GRM8: variants seen among roughly 807,000 people sequenced by gnomAD.
GRM8 encodes glutamate metabotropic receptor 8.
GRM8 carries 47 observed loss-of-function variants against 87.2 expected under a neutral mutation model. The observed-to-expected ratio is 0.54, with a 90% CI of 0.43 to 0.69. The LOEUF (loss-of-function observed/expected upper bound fraction) is 0.69. Among genes scored for constraint, GRM8 ranks in the 30% least tolerant of loss-of-function variants. The pLI, the probability that GRM8 is intolerant of heterozygous loss-of-function variation, is 0.00. For synonymous variants in GRM8, 396 were observed against 404.5 expected (o/e 0.98, Z 0.25); for missense variants, 1,019 against 1,139.2 (o/e 0.89, Z 1.52).
At chr7:126,624,358 G>A (rs1215137392) in intron 7 of GRM8, among the ~76,000 whole-genome samples, 1 of 152,078 alleles carries the variant, frequency 6.6e-6, no homozygotes, top group Non-Finnish European at 1.5e-5. Flanking sequence ...TCTCTTCCCA[G>A]TGTTCTTCCC....
intron 3 of GRM8, among the ~76,000 whole-genome samples, chr7:126,946,460 G>A (rs139665020): frequency 1.3e-5 from 2 of 152,324 alleles, no homozygotes; most frequent in Admixed American, 6.5e-5. Context: ...TGAGCTGTGT[G>A]CCACTGTACT....
At chr7:127,212,741 G>C (rs1796300333) in intron 2 of GRM8, among the ~76,000 whole-genome samples, 1 of 152,122 alleles carries the variant, frequency 6.6e-6, no homozygotes, top group Non-Finnish European at 1.5e-5. Flanking sequence ...TTTTAACTGA[G>C]ACATAAAAAC....
At chr7:126,808,456 C>T (rs968061053) in intron 6 of GRM8, among the ~76,000 whole-genome samples, 2 of 152,192 alleles carry the variant, frequency 1.3e-5, no homozygotes, top group Non-Finnish European at 2.9e-5. Flanking sequence ...ACCCAATATC[C>T]TACCTTACTG....
intron 2 of GRM8, among the ~76,000 whole-genome samples, chr7:127,234,005 T>C (rs536699284): frequency 2.0e-5 from 3 of 152,296 alleles, no homozygotes; most frequent in South Asian, 4.1e-4. Flanking sequence ...AGATGTCTCT[T>C]TTGCCAGAAA....
chr7:126,922,260 C>T (rs1210765340), intron 3 of GRM8, among the ~76,000 whole-genome samples: 1 of 151,988 alleles, frequency 6.6e-6, no homozygotes, highest in Non-Finnish European at 1.5e-5. Flanking sequence ...CATGATAATA[C>T]AAGCACTGAA....
chr7:126,806,263 C>T (rs539936202), intron 6 of GRM8, among the ~76,000 whole-genome samples: 62 of 152,224 alleles, frequency 4.1e-4, no homozygotes, highest in African/African-American at 1.4e-3. Context: ...TTAAAGGCGG[C>T]GCATCTGGAG....
chr7:126,952,714 G>A (rs1808293494), intron 3 of GRM8, among the ~76,000 whole-genome samples: 1 of 151,928 alleles, frequency 6.6e-6, no homozygotes, highest in Non-Finnish European at 1.5e-5. Flanking sequence ...CTCAAACCAA[G>A]CATGAGAAAA....
intron 9 of GRM8, among the ~76,000 whole-genome samples, chr7:126,487,773 C>T (rs868591714): frequency 1.9e-4 from 29 of 151,920 alleles, no homozygotes; most frequent in African/African-American, 5.1e-4. Context: ...TATTTAAGAA[C>T]GGAAATGCTA....
chr7:126,827,547 T>A (rs1794940737), intron 6 of GRM8, among the ~76,000 whole-genome samples: 1 of 152,190 alleles, frequency 6.6e-6, no homozygotes, highest in African/African-American at 2.4e-5. Context: ...ATGCTTGTGA[T>A]TTTTGTACTT....
chr7:126,482,613 C>A (rs1369628607), intron 9 of GRM8, among the ~76,000 whole-genome samples: 1 of 151,856 alleles, frequency 6.6e-6, no homozygotes, highest in Admixed American at 6.6e-5. Flanking sequence ...AGACACAAAG[C>A]AGAATGGTAG....
chr7:126,451,186 G>A (rs1279044182), intron 9 of GRM8, among the ~76,000 whole-genome samples: 2 of 151,708 alleles, frequency 1.3e-5, no homozygotes, highest in African/African-American at 2.4e-5. Flanking sequence ...TCCCTTCGGT[G>A]CCTGACAGCA....
chr7:126,933,615 T>C (rs562416851), intron 3 of GRM8, among the ~76,000 whole-genome samples: 69 of 152,316 alleles, frequency 4.5e-4, no homozygotes, highest in African/African-American at 1.6e-3. Flanking sequence ...AGTGGGGAAG[T>C]CAAGGGCTCT....
At chr7:126,455,238 T>G (rs1235155438) in intron 9 of GRM8, among the ~76,000 whole-genome samples, 1 of 151,698 alleles carries the variant, frequency 6.6e-6, no homozygotes, top group Admixed American at 6.6e-5. Context: ...TGAGACACAG[T>G]CACTTTTGAA....
intron 2 of GRM8, among the ~76,000 whole-genome samples, chr7:127,231,097 G>A (rs1301211763): frequency 2.6e-5 from 4 of 152,090 alleles, no homozygotes; most frequent in African/African-American, 7.2e-5. Context: ...CTACAATGTC[G>A]AACATGCGGC....
At chr7:126,757,949 G>T (rs1817197255) in intron 7 of GRM8, among the ~76,000 whole-genome samples, 1 of 152,010 alleles carries the variant, frequency 6.6e-6, no homozygotes, top group Non-Finnish European at 1.5e-5. Flanking sequence ...AGAAATCAAG[G>T]GTTCAGGAGG....
intron 6 of GRM8, among the ~76,000 whole-genome samples, chr7:126,814,043 T>C (rs1198091654): frequency 6.6e-6 from 1 of 152,096 alleles, no homozygotes; most frequent in Non-Finnish European, 1.5e-5. Context: ...CCAGCACTTA[T>C]GGCCATATGG....
intron 6 of GRM8, among the ~76,000 whole-genome samples, chr7:126,881,022 T>C (rs1476063482): frequency 6.6e-6 from 1 of 152,238 alleles, no homozygotes. Flanking sequence ...TCTGTGCCTT[T>C]TGGCATGCTA....
rs376957883 is a variant in GRM8 at position 126,705,499 on chromosome 7, T to C, written c.1357+64366A>G. Among the ~76,000 whole-genome samples, 3 of 152,294 alleles carry C rather than the reference T, an allele frequency of 2.0e-5. No homozygotes were observed. In the East Asian group the frequency reaches 5.8e-4, roughly 29 times the overall value. On this transcript the variant is annotated intron_variant, in intron 7 of 10. Transcript: ENST00000339582. Reference sequence around the variant, plus strand: ...TTGTCTGAAATAATTACAGAGAGAATATACATAGATCTATGTGTGGACAAG... The same window carrying C: ...TTGTCTGAAATAATTACAGAGAGAACATACATAGATCTATGTGTGGACAAG...
intron 9 of GRM8, among the ~76,000 whole-genome samples, chr7:126,529,349 T>C (rs1814434984): frequency 6.6e-6 from 1 of 152,214 alleles, no homozygotes; most frequent in Non-Finnish European, 1.5e-5. Context: ...AGAAGAGCTA[T>C]ATGTTAAGAG....
Sources: gnomAD v4.1 joint callset for allele counts (sites outside exome capture counted in the v4.1 genomes callset) on GRCh38, gnomAD v4.1.1 for gene constraint, MANE v1.5 for transcripts, NCBI Gene and HGNC (gene_info 2026-07-23, HGNC 2026-07-21) for gene names.